The following ARHGAP42 variants were observed in gnomAD, a reference collection of about 807,000 sequenced individuals.
ARHGAP42 encodes Rho GTPase activating protein 42.
A neutral mutation model predicts 125.0 loss-of-function variants in ARHGAP42; 63 were observed. That is an observed-to-expected ratio of 0.50 (90% CI 0.41 to 0.62). ARHGAP42 has a LOEUF of 0.62. Among genes scored for constraint, ARHGAP42 ranks in the 20% least tolerant of loss-of-function variants. The probability of loss-of-function intolerance (pLI) is 0.00; values close to 1 mark genes in which losing one functional copy is unlikely to be tolerated. For synonymous variants in ARHGAP42, 339 were observed against 351.0 expected, an observed-to-expected ratio of 0.97 and a Z score of 0.38; for missense variants, 766 against 1,024.2, an observed-to-expected ratio of 0.75 and a Z score of 3.44.
At chr11:100,974,336 C>A in intron 18 of ARHGAP42, 123 bp from the exon 19 acceptor site, 1 of 863,270 alleles carries the variant, frequency 1.2e-6, no homozygotes, top group Non-Finnish European at 1.6e-6. Flanking sequence ...GGAAAAGTTA[C>A]AATTGCTCTA....
At chr11:100,825,573 G>A (rs1009130102) in intron 3 of ARHGAP42, among the ~76,000 whole-genome samples, 7 of 152,188 alleles carry the variant, frequency 4.6e-5, no homozygotes, top group African/African-American at 1.7e-4. Flanking sequence ...CATCTGGCTT[G>A]TGTTGTCTTG....
chr11:100,702,499 A>G (rs980695396), intron 1 of ARHGAP42, among the ~76,000 whole-genome samples: 1 of 152,036 alleles, frequency 6.6e-6, no homozygotes. Flanking sequence ...GGAAATGAGC[A>G]CATGCTTTTG....
At chr11:100,857,299 A>C (rs1048946334) in intron 3 of ARHGAP42, among the ~76,000 whole-genome samples, 1 of 152,172 alleles carries the variant, frequency 6.6e-6, no homozygotes, top group African/African-American at 2.4e-5. Flanking sequence ...TAGAGATAGG[A>C]AATTATACTT....
At chr11:100,749,422 C>G (rs944841608) in intron 1 of ARHGAP42, among the ~76,000 whole-genome samples, 7 of 150,572 alleles carry the variant, frequency 4.6e-5, no homozygotes, top group Non-Finnish European at 1.5e-5. Context: ...ACCCTCAAAC[C>G]AGGGATGTCT....
chr11:100,969,315 T>A lies in ARHGAP42; in HGVS notation c.1550+3539T>A, dbSNP rs143371501. Among the ~76,000 whole-genome samples the A allele has an allele frequency of 5.2e-3, 798 of 152,324 alleles. 4 individuals are homozygous for A. The highest frequency in any genetic ancestry group is 0.018 in the African/African-American group (761 of 41,580). ...TTGTCTTTGGCTTCAGCACTTTTAC[T>A]GTGATGTGTCTTGCTGTGGATATCT... On this transcript the variant is annotated intron_variant, in intron 17 of 23. Transcript: ENST00000298815.
At chr11:100,849,607 A>G (rs78323039) in intron 3 of ARHGAP42, among the ~76,000 whole-genome samples, 1,630 of 152,280 alleles carry the variant, frequency 0.011, 7 homozygotes, top group Middle Eastern at 0.041. Context: ...ATTTTTAACA[A>G]CACTGTGATT....
At chr11:100,921,085 T>C (rs980939442) in intron 5 of ARHGAP42, among the ~76,000 whole-genome samples, 6 of 151,002 alleles carry the variant, frequency 4.0e-5, no homozygotes, top group African/African-American at 1.2e-4. Context: ...GGCAATGCAG[T>C]CAGTTGTTTG....
chr11:100,929,218 C>T (rs910773891), intron 6 of ARHGAP42, among the ~76,000 whole-genome samples: 1 of 152,060 alleles, frequency 6.6e-6, no homozygotes, highest in Admixed American at 6.6e-5. Context: ...AACCTAGATC[C>T]CTCGCAGGCA....
intron 17 of ARHGAP42, among the ~76,000 whole-genome samples, chr11:100,972,420 AT>A (rs1255049517): frequency 6.6e-6 from 1 of 152,122 alleles, no homozygotes; most frequent in Non-Finnish European, 1.5e-5. Flanking sequence ...GAGGTTTTTG[AT>A]TTGATTGTCA....
chr11:100,842,065 T>C (rs623540), intron 3 of ARHGAP42, among the ~76,000 whole-genome samples: 127,279 of 152,118 alleles, frequency 0.84, 53,692 homozygotes, highest in East Asian at 0.96. Flanking sequence ...GGCTAAAGAT[T>C]GAAGTATTGC....
At chr11:100,743,896 T>C (rs999516006) in intron 1 of ARHGAP42, among the ~76,000 whole-genome samples, 2 of 152,232 alleles carry the variant, frequency 1.3e-5, no homozygotes, top group African/African-American at 4.8e-5. Context: ...ATTTTGTAAT[T>C]TCCCAAATGT....
At chr11:100,849,377 G>T (rs3858414) in intron 3 of ARHGAP42, among the ~76,000 whole-genome samples, 27,199 of 152,088 alleles carry the variant, frequency 0.18, 3,302 homozygotes, top group East Asian at 0.43. Flanking sequence ...AGGGCCGAGA[G>T]TTATAACATA....
intron 3 of ARHGAP42, among the ~76,000 whole-genome samples, chr11:100,828,766 C>A (rs972314121): frequency 2.0e-5 from 3 of 151,438 alleles, no homozygotes; most frequent in Admixed American, 2.0e-4. Context: ...TAGCTCGCTG[C>A]AGCCTCAAAC....
intron 2 of ARHGAP42, among the ~76,000 whole-genome samples, chr11:100,782,970 C>CT (rs1264392003): frequency 6.6e-6 from 1 of 152,196 alleles, no homozygotes; most frequent in Non-Finnish European, 1.5e-5. Flanking sequence ...AAATCAGGAG[C>CT]TGCCAGACTG....
chr11:100,806,559 C>T (rs568568912), intron 3 of ARHGAP42, among the ~76,000 whole-genome samples: 82 of 151,022 alleles, frequency 5.4e-4, no homozygotes, highest in African/African-American at 1.9e-3. Context: ...TGTTGGCCTC[C>T]ATAGCAACAT....
At chr11:100,725,293 C>G (rs1008969119) in intron 1 of ARHGAP42, among the ~76,000 whole-genome samples, 1 of 151,782 alleles carries the variant, frequency 6.6e-6, no homozygotes, top group South Asian at 2.1e-4. Context: ...GCCTCAGCCT[C>G]CCGAGTAGCT....
At chr11:100,708,839 C>T (rs573582220) in intron 1 of ARHGAP42, among the ~76,000 whole-genome samples, 2 of 152,160 alleles carry the variant, frequency 1.3e-5, no homozygotes, top group African/African-American at 4.8e-5. Context: ...TACTGTTTTT[C>T]ATATCCATAT....
At chr11:100,772,451 G>A (rs1285920646) in intron 2 of ARHGAP42, among the ~76,000 whole-genome samples, 1 of 152,146 alleles carries the variant, frequency 6.6e-6, no homozygotes, top group Admixed American at 6.5e-5. Context: ...GTTAATTTGA[G>A]GGGAGGGTGT....
At chr11:100,744,111 CA>C (rs1862245376) in intron 1 of ARHGAP42, among the ~76,000 whole-genome samples, 1 of 152,312 alleles carries the variant, frequency 6.6e-6, no homozygotes, top group Admixed American at 6.5e-5. Context: ...GCTGGGACTA[CA>C]GGCGCCTGCC....
Sources: gnomAD v4.1 joint callset for allele counts (sites outside exome capture counted in the v4.1 genomes callset) on GRCh38, gnomAD v4.1.1 for gene constraint, MANE v1.5 for transcripts, NCBI Gene and HGNC (gene_info 2026-07-23, HGNC 2026-07-21) for gene names.